The following GRIK3 variants were observed in gnomAD, a reference collection of about 807,000 sequenced individuals.
GRIK3 encodes the protein glutamate receptor ionotropic, kainate 3.
A neutral mutation model predicts 102.5 loss-of-function variants in GRIK3; 29 were observed. The observed-to-expected ratio is 0.28, with a 90% CI of 0.21 to 0.39. GRIK3 has a LOEUF of 0.39. Among genes scored for constraint, GRIK3 ranks in the 10% least tolerant of loss-of-function variants. The pLI is 1.00. For synonymous variants in GRIK3, 511 were observed against 504.9 expected, an observed-to-expected ratio of 1.01 and a Z score of -0.16; for missense variants, 908 against 1,252.4, an observed-to-expected ratio of 0.73 and a Z score of 4.15.
At chr1:36,847,122 G>A (rs1428702431) in intron 9 of GRIK3, among the ~76,000 whole-genome samples, 1 of 152,248 alleles carries the variant, frequency 6.6e-6, no homozygotes, top group East Asian at 1.9e-4. Flanking sequence ...ACATGATGGG[G>A]TTAAGATGGT....
chr1:36,838,503 G>A (rs1362526001), intron 10 of GRIK3, among the ~76,000 whole-genome samples: 1 of 152,212 alleles, frequency 6.6e-6, no homozygotes, highest in Admixed American at 6.5e-5. Flanking sequence ...ATAGTTCAAG[G>A]TGACTTGCGG....
At chr1:37,008,805 G>C (rs1009643403) in intron 1 of GRIK3, among the ~76,000 whole-genome samples, 1 of 152,232 alleles carries the variant, frequency 6.6e-6, no homozygotes, top group Non-Finnish European at 1.5e-5. Context: ...AGAAATGCCA[G>C]GGAGATGAAT....
At chr1:36,847,983 G>A (rs968386810) in intron 9 of GRIK3, among the ~76,000 whole-genome samples, 1 of 152,196 alleles carries the variant, frequency 6.6e-6, no homozygotes, top group Non-Finnish European at 1.5e-5. Flanking sequence ...GGAACCAGCA[G>A]GATACTGGGA....
At chr1:36,984,756 G>A (rs1311286150) in intron 1 of GRIK3, among the ~76,000 whole-genome samples, 1 of 152,216 alleles carries the variant, frequency 6.6e-6, no homozygotes, top group Non-Finnish European at 1.5e-5. Context: ...GTGCCCCCAC[G>A]CTGGGATCAT....
intron 10 of GRIK3, among the ~76,000 whole-genome samples, chr1:36,840,401 C>T (rs1640432039): frequency 6.6e-6 from 1 of 151,966 alleles, no homozygotes; most frequent in South Asian, 2.1e-4. Context: ...ACCACAGGAG[C>T]TACGGTAGTT....
intron 1 of GRIK3, among the ~76,000 whole-genome samples, chr1:36,997,827 C>T (rs1443695376): frequency 6.6e-6 from 1 of 152,152 alleles, no homozygotes. Flanking sequence ...CCAGATACAG[C>T]CTGGGAGGGT....
chr1:36,960,104 G>A (rs1237256348), intron 1 of GRIK3, among the ~76,000 whole-genome samples: 1 of 130,066 alleles, frequency 7.7e-6, no homozygotes, highest in Non-Finnish European at 1.7e-5. Flanking sequence ...CCATAAGCCT[G>A]TGTGCTCTGT....
At chr1:36,841,573 C>T (rs1299312964) in intron 10 of GRIK3, among the ~76,000 whole-genome samples, 163 bp downstream of exon 10, 2 of 152,188 alleles carry the variant, frequency 1.3e-5, no homozygotes, top group Admixed American at 6.5e-5. Flanking sequence ...GGGTGCACTT[C>T]CTTCAGCTGA....
Position 36,922,689 on chromosome 1 carries a change from C to G in GRIK3, c.116-31593G>C, listed in dbSNP as rs11263950. On this transcript the variant is annotated intron_variant, in intron 1 of 15. Transcript: ENST00000373091. ...ACTCTATGCCTGTGCTTGGACTTCA[C>G]GTAGACTTTCTCCCTGAATCCTCAA... Among the ~76,000 whole-genome samples, 966 of 152,288 alleles carry G rather than the reference C, an allele frequency of 6.3e-3. 12 individuals carry two copies. Among genetic ancestry groups the G allele is most frequent in the African/African-American group, 0.023 (936 of 41,542 alleles).
intron 5 of GRIK3, 42 bp downstream of exon 5, chr1:36,869,706 A>T: frequency 7.1e-7 from 1 of 1,409,472 alleles, no homozygotes; most frequent in Non-Finnish European, 1.0e-6. Context: ...GATCCATGAG[A>T]GTCCCACCCC....
At chr1:36,988,558 C>G (rs1042406897) in intron 1 of GRIK3, among the ~76,000 whole-genome samples, 3 of 152,178 alleles carry the variant, frequency 2.0e-5, no homozygotes, top group African/African-American at 7.2e-5. Flanking sequence ...TGGGATGTGC[C>G]CAGAGTTCCT....
At position 36,859,940 on chromosome 1, in the gene GRIK3, G is replaced by T. The variant is rs749390008; in HGVS notation, c.864C>A (p.Asp288Glu). The T allele has an allele frequency of 1.2e-6, 2 of 1,613,232 alleles. No individual in the cohort carries two copies. The highest frequency in any genetic ancestry group is 2.7e-5 in the African/African-American group (2 of 74,892). Residue 288 changes from aspartate to glutamate, a missense_variant, in exon 6 of 16, where the codon GAC becomes GAA. Around this residue, in one of 3 missense-constraint regions of GRIK3, gnomAD observed 585 missense variants for 824.9 expected, o/e 0.71. Transcript: ENST00000373091. ...NLTGFRILNVDNPHVSAIVEK... is the reference protein window; with the variant it reads ...NLTGFRILNVENPHVSAIVEK... ...CCACAATGGCCGAGACGTGTGGGTTGTCCACATTGAGAATCCGGAATCCTG... is the reference window on the plus strand; with the variant it reads ...CCACAATGGCCGAGACGTGTGGGTTTTCCACATTGAGAATCCGGAATCCTG...
intron 1 of GRIK3, among the ~76,000 whole-genome samples, chr1:36,946,212 T>G (rs56107804): frequency 6.6e-6 from 1 of 152,236 alleles, no homozygotes; most frequent in East Asian, 1.9e-4. Flanking sequence ...CCCTGACACC[T>G]GGAGCCTGGG....
chr1:36,882,677 C>T (rs147189262), intron 2 of GRIK3, among the ~76,000 whole-genome samples: 35 of 152,220 alleles, frequency 2.3e-4, no homozygotes, highest in Middle Eastern at 3.4e-3. Flanking sequence ...CCATGAGATC[C>T]ACTGGACTGA....
chr1:36,802,117 T>A, intron 15 of GRIK3, 72 bp from the exon 16 acceptor site: 1 of 1,048,134 alleles, frequency 9.5e-7, no homozygotes, highest in Non-Finnish European at 1.4e-6. Context: ...CTCCAGCCAG[T>A]TCCTCCCCTT....
intron 1 of GRIK3, among the ~76,000 whole-genome samples, chr1:37,001,469 A>G (rs1407327305): frequency 1.3e-5 from 2 of 152,174 alleles, no homozygotes; most frequent in African/African-American, 4.8e-5. Flanking sequence ...GGCCTTCCCC[A>G]GGTGCACGAT....
chr1:36,805,355 G>A, intron 14 of GRIK3, 118 bp from the exon 15 acceptor site: 2 of 1,035,014 alleles, frequency 1.9e-6, no homozygotes, highest in South Asian at 1.6e-5. Flanking sequence ...TCATGAAAGG[G>A]GGTCCCTATC....
chr1:37,031,620 G>A (rs750398553), intron 1 of GRIK3, among the ~76,000 whole-genome samples: 6 of 152,200 alleles, frequency 3.9e-5, no homozygotes, highest in Admixed American at 6.5e-5. Context: ...GCCGGCTCAG[G>A]TGCCAGTCTT....
intron 1 of GRIK3, among the ~76,000 whole-genome samples, chr1:36,960,925 A>G (rs2124348532): frequency 6.6e-6 from 1 of 152,326 alleles, no homozygotes; most frequent in East Asian, 1.9e-4. Flanking sequence ...GAGAGGAAAG[A>G]GTGCTGATTT....
Sources: gnomAD v4.1 joint callset for allele counts (sites outside exome capture counted in the v4.1 genomes callset) on GRCh38, gnomAD v4.1.1 for gene constraint, gnomAD v4.1.1 regional missense constraint, MANE v1.5 for transcripts, NCBI Gene and HGNC (gene_info 2026-07-23, HGNC 2026-07-21) for gene names.